The following GALNT13 variants were observed in gnomAD, a reference collection of about 807,000 sequenced individuals.
The protein encoded by GALNT13 is polypeptide N-acetylgalactosaminyltransferase 13.
A neutral mutation model predicts 64.2 loss-of-function variants in GALNT13; 28 were observed. The ratio of observed to expected loss-of-function variants is 0.44; its 90% CI spans 0.32 to 0.60. The LOEUF (loss-of-function observed/expected upper bound fraction) is 0.60. Ranked by LOEUF, GALNT13 falls within the 20% of genes least tolerant of loss-of-function variation. The pLI, the probability that GALNT13 is intolerant of heterozygous loss-of-function variation, is 0.05. For missense variants in GALNT13, 577 were observed against 669.8 expected (o/e 0.86, Z 1.53); for synonymous variants, 214 against 224.6 (o/e 0.95, Z 0.42).
the GALNT13 span, among the ~76,000 whole-genome samples, chr2:153,425,648 A>C: frequency 6.6e-6 from 1 of 151,912 alleles, no homozygotes; most frequent in East Asian, 1.9e-4. Context: ...AATGATATGA[A>C]GCACAGATAC....
At chr2:153,881,553 G>C (rs951559655) in intron 1 of GALNT13, among the ~76,000 whole-genome samples, 2 of 152,154 alleles carry the variant, frequency 1.3e-5, no homozygotes, top group Non-Finnish European at 2.9e-5. Flanking sequence ...TTCATTTGCT[G>C]TTGCAGACAA....
At chr2:153,375,965 G>T in the GALNT13 span, among the ~76,000 whole-genome samples, 3 of 152,090 alleles carry the variant, frequency 2.0e-5, no homozygotes, top group African/African-American at 7.2e-5. Context: ...TATTGGGGCT[G>T]GCCTGGGAGA....
intron 1 of GALNT13, among the ~76,000 whole-genome samples, chr2:153,879,753 T>A (rs1242433504): frequency 6.6e-6 from 1 of 152,098 alleles, no homozygotes; most frequent in African/African-American, 2.4e-5. Flanking sequence ...TTTGAGTAAG[T>A]TTTGCCTTTG....
At chr2:153,819,445 C>A in the GALNT13 span, among the ~76,000 whole-genome samples, 1 of 152,158 alleles carries the variant, frequency 6.6e-6, no homozygotes, top group Non-Finnish European at 1.5e-5. Flanking sequence ...AGCTCCCTCA[C>A]TCCCACACAG....
intron 3 of GALNT13, among the ~76,000 whole-genome samples, chr2:153,955,082 A>G (rs1184708486): frequency 6.6e-6 from 1 of 152,078 alleles, no homozygotes; most frequent in Non-Finnish European, 1.5e-5. Flanking sequence ...TTTTGCATTT[A>G]TTGAGTCTCT....
chr2:153,195,601 A>T, the GALNT13 span, among the ~76,000 whole-genome samples: 1 of 152,270 alleles, frequency 6.6e-6, no homozygotes, highest in African/African-American at 2.4e-5. Flanking sequence ...CCAAAGAGGG[A>T]GTCATAGCCC....
the GALNT13 span, among the ~76,000 whole-genome samples, chr2:153,177,699 C>T: frequency 6.6e-6 from 1 of 152,080 alleles, no homozygotes; most frequent in South Asian, 2.1e-4. Flanking sequence ...TCTATAACTT[C>T]AAATACTTAT....
intron 8 of GALNT13, among the ~76,000 whole-genome samples, chr2:154,295,532 A>ATTTTTTAT (rs1692874227): frequency 6.6e-6 from 1 of 151,374 alleles, no homozygotes; most frequent in African/African-American, 2.4e-5. Flanking sequence ...TGCCCAGCTA[A>ATTTTTTAT]TTTTTTATTT....
At chr2:154,141,788 C>A (rs116397769) in intron 4 of GALNT13, among the ~76,000 whole-genome samples, 126 of 152,198 alleles carry the variant, frequency 8.3e-4, no homozygotes, top group African/African-American at 2.9e-3. Flanking sequence ...ATTTATACTG[C>A]TGTTTATAAT....
the GALNT13 span, among the ~76,000 whole-genome samples, chr2:153,564,454 A>T: frequency 2.6e-5 from 4 of 152,174 alleles, no homozygotes; most frequent in Admixed American, 2.6e-4. Context: ...CCATATAGTA[A>T]TATTGTCTTG....
chr2:153,390,004 A>G, the GALNT13 span, among the ~76,000 whole-genome samples: 44 of 152,286 alleles, frequency 2.9e-4, no homozygotes, highest in Middle Eastern at 3.4e-3. Flanking sequence ...ATAAAGACAC[A>G]TGCACACGTA....
chr2:154,263,721 G>A (rs966478966), intron 8 of GALNT13, among the ~76,000 whole-genome samples: 3 of 151,892 alleles, frequency 2.0e-5, no homozygotes, highest in African/African-American at 7.3e-5. Context: ...AATCTAGGGT[G>A]GAAAACATTT....
the GALNT13 span, among the ~76,000 whole-genome samples, chr2:153,160,109 C>T: frequency 6.6e-6 from 1 of 152,168 alleles, no homozygotes; most frequent in African/African-American, 2.4e-5. Flanking sequence ...AATGTTCCAA[C>T]CATCTTGTGA....
chr2:153,525,653 C>T, the GALNT13 span, among the ~76,000 whole-genome samples: 1 of 152,180 alleles, frequency 6.6e-6, no homozygotes, highest in Non-Finnish European at 1.5e-5. Flanking sequence ...GATCCCCCAC[C>T]CCCACCAGTA....
At chr2:153,630,688 T>A in the GALNT13 span, among the ~76,000 whole-genome samples, 1,060 of 122,992 alleles carry the variant, frequency 8.6e-3, 12 homozygotes, top group African/African-American at 0.03. Context: ...TAAAAAAAAT[T>A]AAAAAAAATT....
Position 154,301,567 on chromosome 2 carries a change from T to C in GALNT13, c.1134T>C (p.Asp378=). The C allele has an allele frequency of 3.7e-6, 6 of 1,612,340 alleles. No individual in the cohort carries two copies. Among genetic ancestry groups the C allele is most frequent in the Non-Finnish European group, 5.1e-6 (6 of 1,178,602 alleles). The change falls in exon 9 of 13, where the codon GAT becomes GAC. Residue 378 remains aspartate, a synonymous_variant. Coordinates refer to ENST00000392825, the MANE Select transcript of GALNT13 (RefSeq NM_052917.4). ...LAEVWMDEFK[D]FFYIISPGVV... is the part of the protein sequence containing the mutation. The stretch of plus-strand genomic sequence containing the variant: ...AAGTTTGGATGGATGAATTTAAAGA[T>C]TTCTTCTACATCATATCCCCAGGTA...
intron 7 of GALNT13, among the ~76,000 whole-genome samples, chr2:154,249,563 T>C (rs1689962432): frequency 1.3e-5 from 2 of 152,190 alleles, no homozygotes; most frequent in Non-Finnish European, 1.5e-5. Context: ...AAATAGATTT[T>C]TTAAATGAAA....
At chr2:153,681,217 A>G in the GALNT13 span, among the ~76,000 whole-genome samples, 1 of 151,870 alleles carries the variant, frequency 6.6e-6, no homozygotes, top group Non-Finnish European at 1.5e-5. Flanking sequence ...TAAATTGATG[A>G]CATTTCCTTA....
the GALNT13 span, among the ~76,000 whole-genome samples, chr2:153,435,938 C>A: frequency 2.0e-5 from 3 of 152,050 alleles, no homozygotes; most frequent in Admixed American, 2.0e-4. Context: ...AGTTTTTGCC[C>A]ATTCAGTATG....
Sources: gnomAD v4.1 joint callset for allele counts (sites outside exome capture counted in the v4.1 genomes callset) on GRCh38, gnomAD v4.1.1 for gene constraint, MANE v1.5 for transcripts, NCBI Gene and HGNC (gene_info 2026-07-23, HGNC 2026-07-21) for gene names.